CASK: variants seen among roughly 807,000 people sequenced by gnomAD.
CASK encodes peripheral plasma membrane protein CASK.
In CASK, 4 loss-of-function variants were observed where a neutral mutation model predicts 82.9. The observed-to-expected ratio is 0.05, with a 90% CI of 0.02 to 0.11. The LOEUF is 0.11. CASK is among the 10% of genes least tolerant of loss of function. The pLI is 1.00. For missense variants in CASK, 358 were observed against 720.9 expected, an observed-to-expected ratio of 0.50 and a Z score of 5.76; for synonymous variants, 259 against 253.5, an observed-to-expected ratio of 1.02 and a Z score of -0.20.
chrX:41,881,003 G>A (rs998505150), intron 1 of CASK, among the ~76,000 whole-genome samples: 3 of 110,995 alleles, frequency 2.7e-5, no homozygotes, highest in South Asian at 3.7e-4. Flanking sequence ...GACACACACC[G>A]CATCCAGCTA....
At chrX:41,915,009 G>A (rs2072647812) in intron 1 of CASK, among the ~76,000 whole-genome samples, 1 of 111,225 alleles carries the variant, frequency 9.0e-6, no homozygotes. Flanking sequence ...CTCTGTTATA[G>A]CCACATGTGT....
intron 9 of CASK, among the ~76,000 whole-genome samples, chrX:41,627,422 A>G (rs1311929585): frequency 1.8e-5 from 2 of 112,013 alleles, no homozygotes; most frequent in African/African-American, 6.5e-5. Flanking sequence ...TTTTTTATTT[A>G]AACAGCTTTA....
Position 41,520,488 on chromosome X carries a change from G to A in CASK, c.2713C>T (p.His905Tyr). The change falls in exon 27 of 27, where the codon CAT (histidine) becomes TAT (tyrosine). Residue 905 changes from histidine (H) to tyrosine (Y), a missense_variant. His to Tyr is a moderately conservative substitution (Grantham distance 83, BLOSUM62 2). Around this residue, in one of 5 missense-constraint regions of CASK, gnomAD observed 118 missense variants for 169.4 expected, o/e 0.70. Coordinates refer to ENST00000378163, the MANE Select transcript of CASK (RefSeq NM_001367721.1). The part of the protein sequence containing the change: ...INNEIDETIR[H>Y]LEEAVELVCT... ...ACGAGCTCAACAGCTTCCTCCAGATGTCTGATTGTCTCATCAATTTCATTG... is the reference window on the plus strand; with the variant it reads ...ACGAGCTCAACAGCTTCCTCCAGATATCTGATTGTCTCATCAATTTCATTG... 1 of 1,208,098 alleles carries A rather than the reference G, an allele frequency of 8.3e-7. No homozygotes were observed. The highest frequency in any genetic ancestry group is 1.1e-6 in the Non-Finnish European group (1 of 892,466).
chrX:41,830,731 T>A (rs35437978), intron 2 of CASK, among the ~76,000 whole-genome samples: 4,102 of 100,755 alleles, frequency 0.041, 93 homozygotes, highest in Non-Finnish European at 0.06. Flanking sequence ...GAGGCAGGAG[T>A]ATGGCGTGAA....
chrX:41,735,100 G>A (rs761976604), intron 5 of CASK, among the ~76,000 whole-genome samples: 88 of 111,099 alleles, frequency 7.9e-4, no homozygotes, highest in African/African-American at 2.8e-3. Flanking sequence ...AATGCTTTTG[G>A]ATCATATGCC....
chrX:41,801,478 C>T (rs1204559135), intron 2 of CASK, among the ~76,000 whole-genome samples: 1 of 112,099 alleles, frequency 8.9e-6, no homozygotes, highest in African/African-American at 3.2e-5. Flanking sequence ...AAATTTCTTG[C>T]ACATCAAATC....
chrX:41,782,651 T>C (rs1185232998), intron 3 of CASK, among the ~76,000 whole-genome samples: 2 of 111,852 alleles, frequency 1.8e-5, no homozygotes, highest in African/African-American at 6.5e-5. Flanking sequence ...AGGGAACTTA[T>C]AAAACTTGGC....
chrX:41,774,433 C>T (rs998986814), intron 3 of CASK, among the ~76,000 whole-genome samples: 3 of 111,248 alleles, frequency 2.7e-5, no homozygotes, highest in African/African-American at 9.8e-5. Flanking sequence ...AGGAAGAATC[C>T]AATATCGTGA....
At chrX:41,915,856 C>T (rs1033068210) in intron 1 of CASK, among the ~76,000 whole-genome samples, 6 of 110,924 alleles carry the variant, frequency 5.4e-5, no homozygotes, top group Middle Eastern at 4.2e-3. Context: ...AAAAATTAGC[C>T]GGGCGTCTGT....
intron 11 of CASK, among the ~76,000 whole-genome samples, chrX:41,610,711 T>C (rs1320267862): frequency 9.0e-6 from 1 of 111,609 alleles, no homozygotes; most frequent in Non-Finnish European, 1.9e-5. Flanking sequence ...ATCATTTTTG[T>C]AGGGCAAAGC....
At chrX:41,822,520 T>G (rs1195927431) in intron 2 of CASK, among the ~76,000 whole-genome samples, 1 of 83,537 alleles carries the variant, frequency 1.2e-5, no homozygotes, top group Non-Finnish European at 2.1e-5. Context: ...ATGGCGCCAC[T>G]GCACTCCAGC....
intron 1 of CASK, among the ~76,000 whole-genome samples, chrX:41,870,924 A>G (rs139480998): frequency 1.8e-5 from 2 of 112,089 alleles, no homozygotes; most frequent in East Asian, 5.6e-4. Context: ...TAAAACACAC[A>G]TTTATTATCT....
chrX:41,702,163 AT>A (rs2067806388), intron 5 of CASK, among the ~76,000 whole-genome samples: 1 of 110,882 alleles, frequency 9.0e-6, no homozygotes, highest in African/African-American at 3.3e-5. Context: ...AGGTGGGTGG[AT>A]CACCTGAGGT....
intron 3 of CASK, among the ~76,000 whole-genome samples, chrX:41,749,348 CA>C (rs772753827): frequency 9.3e-5 from 8 of 86,396 alleles, no homozygotes; most frequent in Admixed American, 5.3e-4. Flanking sequence ...TAATATTTGG[CA>C]AAAAAAAATC....
At chrX:41,537,608 C>A (rs2064889991) in intron 22 of CASK, among the ~76,000 whole-genome samples, 1 of 110,305 alleles carries the variant, frequency 9.1e-6, no homozygotes, top group Non-Finnish European at 1.9e-5. Context: ...GCAAATAAAT[C>A]ACATTAAGAA....
chrX:41,820,993 A>C (rs1378275529), intron 2 of CASK, among the ~76,000 whole-genome samples: 1 of 111,425 alleles, frequency 9.0e-6, no homozygotes, highest in Non-Finnish European at 1.9e-5. Flanking sequence ...ATACAAGAAA[A>C]TATAAAGAAA....
At chrX:41,841,840 A>G (rs2071046186) in intron 2 of CASK, among the ~76,000 whole-genome samples, 1 of 111,836 alleles carries the variant, frequency 8.9e-6, no homozygotes, top group Non-Finnish European at 1.9e-5. Context: ...CTTTCTTGAT[A>G]GTGTCTACTG....
intron 3 of CASK, among the ~76,000 whole-genome samples, chrX:41,758,623 G>A (rs1261463146): frequency 9.0e-6 from 1 of 110,614 alleles, no homozygotes; most frequent in African/African-American, 3.3e-5. Flanking sequence ...ACCAGGAAAT[G>A]TGTCAACATA....
intron 9 of CASK, among the ~76,000 whole-genome samples, chrX:41,632,746 A>T (rs2066489997): frequency 9.0e-6 from 1 of 111,510 alleles, no homozygotes; most frequent in Non-Finnish European, 1.9e-5. Context: ...ATACTTTTGC[A>T]ATTTGCAAAA....
Sources: gnomAD v4.1 joint callset for allele counts (sites outside exome capture counted in the v4.1 genomes callset) on GRCh38, gnomAD v4.1.1 for gene constraint, gnomAD v4.1.1 regional missense constraint, MANE v1.5 for transcripts, NCBI Gene and HGNC (gene_info 2026-07-23, HGNC 2026-07-21) for gene names.